Variants in COG6 observed in about 807,000 individuals in gnomAD.
COG6 encodes the protein conserved oligomeric Golgi complex subunit 6.
Under a neutral mutation model 88.8 loss-of-function variants are expected in COG6, and 74 were observed. The ratio of observed to expected loss-of-function variants is 0.83; its 90% CI spans 0.69 to 1.01. COG6 has a LOEUF of 1.01. COG6 is among the 50% of genes least tolerant of loss of function. The pLI, the probability that COG6 is intolerant of heterozygous loss-of-function variation, is 0.00. For missense variants in COG6, 800 were observed against 797.9 expected (o/e 1.00, Z -0.03); for synonymous variants, 286 against 278.7 (o/e 1.03, Z -0.26).
intron 1 of COG6, chr13:39,656,774 G>T (rs1003000155): frequency 2.2e-6 from 1 of 454,794 alleles, no homozygotes; most frequent in Non-Finnish European, 4.4e-6. Flanking sequence ...ACCACTAAAT[G>T]TGTGCATCAT....
intron 18 of COG6, among the ~76,000 whole-genome samples, chr13:39,774,237 G>A (rs185896857): frequency 1.3e-5 from 2 of 152,182 alleles, no homozygotes; most frequent in African/African-American, 4.8e-5. Context: ...CTTTATGAAG[G>A]TAATACACAT....
chr13:39,679,780 G>A (rs1876201085), intron 6 of COG6, 160 bp downstream of exon 6: 5 of 699,996 alleles, frequency 7.1e-6, no homozygotes, highest in South Asian at 6.5e-5. Flanking sequence ...ACAGGTTTAG[G>A]CTAAAACAGC....
At chr13:39,700,653 G>T (rs1877525446) in intron 13 of COG6, among the ~76,000 whole-genome samples, 2 of 151,854 alleles carry the variant, frequency 1.3e-5, no homozygotes, top group African/African-American at 4.8e-5. Context: ...TAGCTGTTGA[G>T]AGTACAAGGA....
At position 39,751,296 on chromosome 13, in the gene COG6, AT is replaced by A. The variant is rs1566039450; in HGVS notation, c.*204del. The A allele has an allele frequency of 6.6e-7, 1 of 1,504,158 alleles. No individual in the cohort carries two copies. The highest frequency in any genetic ancestry group is 8.9e-7 in the Non-Finnish European group (1 of 1,129,268). The allele number at this position is 1,504,158 out of a possible 1,614,324, so 93.2% of individuals were successfully genotyped here. ...TTGACCTGAGCTAGTATTGCTGTGT[AT>A]CTACTCTAAATGAGATGATCTATTT... On this transcript the variant is annotated 3_prime_UTR_variant, in exon 19 of 19. Transcript: ENST00000455146.
At chr13:39,676,730 CTTTA>C (rs1368883613) in intron 4 of COG6, among the ~76,000 whole-genome samples, 1 of 151,992 alleles carries the variant, frequency 6.6e-6, no homozygotes, top group African/African-American at 2.4e-5. Flanking sequence ...ACTTTTATAA[CTTTA>C]TTTATATATT....
intron 18 of COG6, among the ~76,000 whole-genome samples, chr13:39,745,257 A>G (rs1185454331): frequency 1.3e-5 from 2 of 152,218 alleles, no homozygotes; most frequent in African/African-American, 2.4e-5. Context: ...TAATTAAACT[A>G]AAGAGCTTCT....
At chr13:39,778,079 A>G (rs1305940426) in intron 18 of COG6, among the ~76,000 whole-genome samples, 1 of 152,252 alleles carries the variant, frequency 6.6e-6, no homozygotes, top group African/African-American at 2.4e-5. Flanking sequence ...TGCAGAAGTT[A>G]TCCTGTCTAA....
chr13:39,720,583 A>G (rs971936694), intron 15 of COG6, among the ~76,000 whole-genome samples: 13 of 152,098 alleles, frequency 8.5e-5, no homozygotes, highest in Admixed American at 5.2e-4. Flanking sequence ...AGAATTTTCC[A>G]TATTTGTGGT....
Position 39,752,351 on chromosome 13 carries a change from A to C in COG6, c.*1258A>C. The C allele has an allele frequency of 1.1e-6, 1 of 874,724 alleles. No individual in the cohort carries two copies. The highest frequency in any genetic ancestry group is 1.6e-6 in the Non-Finnish European group (1 of 638,604). 54.2% of individuals were successfully genotyped at this position (874,724 alleles called of 1,614,324 possible). On this transcript the variant is annotated 3_prime_UTR_variant, in exon 19 of 19. Coordinates refer to ENST00000455146, the MANE Select transcript of COG6 (RefSeq NM_020751.3). ...TATGACCTATTTATCTGAAGTTTAT[A>C]ATTGTTTATACCTAATACAGTTCTT... is the stretch of plus-strand genomic sequence containing the variant.
chr13:39,763,308 T>C (rs1252897536), intron 18 of COG6, among the ~76,000 whole-genome samples: 1 of 151,824 alleles, frequency 6.6e-6, no homozygotes, highest in East Asian at 1.9e-4. Flanking sequence ...GTGACAGTTT[T>C]CTTTCTACCT....
intron 18 of COG6, among the ~76,000 whole-genome samples, chr13:39,748,267 C>T (rs1009794315): frequency 5.3e-5 from 8 of 152,172 alleles, no homozygotes; most frequent in African/African-American, 1.7e-4. Context: ...TATTTTGTTA[C>T]ATTCATTGTC....
At position 39,689,837 on chromosome 13, in the gene COG6, G is replaced by T. The variant is rs1310106753; in HGVS notation, c.1074+13G>T. ...CAGGCCTCTAAAGGTAAAATATTTT[G>T]TTTTTACATATGCTATATGGTACCT... On this transcript the variant is annotated intron_variant, in intron 11 of 18. Transcript: ENST00000455146. The T allele has an allele frequency of 6.4e-7, 1 of 1,571,648 alleles. No homozygotes were observed. Among genetic ancestry groups the T allele is most frequent in the African/African-American group, 1.3e-5 (1 of 74,334 alleles).
chr13:39,783,989 G>A (rs1416710503), intron 18 of COG6, among the ~76,000 whole-genome samples: 2 of 152,200 alleles, frequency 1.3e-5, no homozygotes, highest in South Asian at 2.1e-4. Flanking sequence ...AAACAGCATG[G>A]ATTCTGGGGG....
At position 39,778,045 on chromosome 13, in the gene COG6, A is replaced by T. The variant is rs77421999; in HGVS notation, c.1827-10290A>T. On this transcript the variant is annotated intron_variant, in intron 18 of 18. Transcript: ENST00000416691. ...TTCTGAGAGTTAAGCAGTCCTAATCAACACATTATAGGAAATAACTATGTG... is the reference window on the plus strand; with the variant it reads ...TTCTGAGAGTTAAGCAGTCCTAATCTACACATTATAGGAAATAACTATGTG... Among the ~76,000 whole-genome samples the T allele has an allele frequency of 4.5e-3, 681 of 152,314 alleles. 4 individuals carry two copies. Among genetic ancestry groups the T allele is most frequent in the African/African-American group, 0.016 (649 of 41,562 alleles).
At chr13:39,754,477 G>T (rs921211484), downstream of COG6, among the ~76,000 whole-genome samples, 1 of 152,166 alleles carries the variant, frequency 6.6e-6, no homozygotes, top group African/African-American at 2.4e-5. Context: ...AACACAGGAT[G>T]TGTTGAAGTT....
chr13:39,660,822 A>G lies in COG6; in HGVS notation c.310A>G (p.Ile104Val), dbSNP rs770411791. The G allele has an allele frequency of 1.4e-5, 22 of 1,607,792 alleles. No individual in the cohort carries two copies. The highest frequency in any genetic ancestry group is 4.0e-5 in the African/African-American group (3 of 74,820). Residue 104 changes from isoleucine (I) to valine (V), a missense_variant, in exon 3 of 19, where the codon ATA becomes GTA. Transcript: ENST00000455146. ...TTCTTCTTTTCAGGAACTTGAAAGC[A>G]TAAGCGAAGATGTTCAAGCAATGAG... ...FKEVKEELESISEDVQAMSNC... is the reference protein window; with the variant it reads ...FKEVKEELESVSEDVQAMSNC...
At chr13:39,741,003 A>C (rs1167439311) in intron 18 of COG6, among the ~76,000 whole-genome samples, 2 of 152,180 alleles carry the variant, frequency 1.3e-5, no homozygotes, top group African/African-American at 4.8e-5. Flanking sequence ...TAATGATGAA[A>C]GTTGTATCAT....
intron 10 of COG6, among the ~76,000 whole-genome samples, chr13:39,689,144 A>T (rs975852255): frequency 6.6e-6 from 1 of 152,208 alleles, no homozygotes; most frequent in Non-Finnish European, 1.5e-5. Flanking sequence ...ATAAGGCAGT[A>T]TTAAGGAAGT....
chr13:39,687,170 A>G (rs1876697109), intron 8 of COG6, among the ~76,000 whole-genome samples: 1 of 152,154 alleles, frequency 6.6e-6, no homozygotes, highest in South Asian at 2.1e-4. Context: ...ACTGAAACCT[A>G]AAAAGTTAAG....
Sources: allele counts gnomAD v4.1 joint callset (sites outside exome capture counted in the v4.1 genomes callset), GRCh38; gene constraint gnomAD v4.1.1; transcripts MANE v1.5; gene names NCBI Gene and HGNC (gene_info 2026-07-23, HGNC 2026-07-21).